The following SPOCK3 variants were observed in gnomAD, a reference collection of about 807,000 sequenced individuals.
SPOCK3 encodes the protein SPARC (osteonectin), cwcv and kazal like domains proteoglycan 3, also known as testican-3.
A neutral mutation model predicts 56.6 loss-of-function variants in SPOCK3; 30 were observed. The ratio of observed to expected loss-of-function variants is 0.53; its 90% CI spans 0.40 to 0.72. The LOEUF (loss-of-function observed/expected upper bound fraction) is 0.72. Ranked by LOEUF, SPOCK3 falls within the 30% of genes least tolerant of loss-of-function variation. SPOCK3 has a pLI of 0.00. For missense variants in SPOCK3, 527 were observed against 530.0 expected, an observed-to-expected ratio of 0.99 and a Z score of 0.06; for synonymous variants, 196 against 183.3, an observed-to-expected ratio of 1.07 and a Z score of -0.56.
chr4:166,767,709 T>C (rs1214891736), intron 7 of SPOCK3, among the ~76,000 whole-genome samples: 1 of 152,200 alleles, frequency 6.6e-6, no homozygotes, highest in South Asian at 2.1e-4. Context: ...TTAGGTCGGC[T>C]TGGTGCAGAG....
chr4:167,219,426 A>G (rs143955397), intron 2 of SPOCK3, among the ~76,000 whole-genome samples: 54 of 152,316 alleles, frequency 3.5e-4, no homozygotes, highest in Non-Finnish European at 6.3e-4. Flanking sequence ...AGCAAAAGTG[A>G]GCTGTGATTA....
intron 7 of SPOCK3, among the ~76,000 whole-genome samples, chr4:166,790,905 C>T (rs1741273316): frequency 6.6e-6 from 1 of 152,166 alleles, no homozygotes; most frequent in African/African-American, 2.4e-5. Context: ...AAGAAACCTT[C>T]TCCCCACTCC....
intron 2 of SPOCK3, among the ~76,000 whole-genome samples, chr4:167,082,793 G>A (rs1290931443): frequency 6.8e-6 from 1 of 147,122 alleles, no homozygotes; most frequent in Non-Finnish European, 1.5e-5. Flanking sequence ...GGGAAGGAAG[G>A]GGCAGAGAGA....
chr4:166,828,948 A>G (rs921954179), intron 6 of SPOCK3, among the ~76,000 whole-genome samples: 8 of 152,046 alleles, frequency 5.3e-5, no homozygotes, highest in Admixed American at 1.3e-4. Flanking sequence ...ACGATGATGC[A>G]TCTACTGTTT....
At chr4:166,939,547 T>G (rs1341389928) in intron 4 of SPOCK3, among the ~76,000 whole-genome samples, 1 of 152,210 alleles carries the variant, frequency 6.6e-6, no homozygotes, top group Non-Finnish European at 1.5e-5. Context: ...CATAGTTCTA[T>G]GCAGGAAATG....
intron 3 of SPOCK3, among the ~76,000 whole-genome samples, chr4:167,050,073 G>A (rs1580124217): frequency 1.3e-5 from 2 of 152,290 alleles, no homozygotes; most frequent in South Asian, 4.1e-4. Flanking sequence ...TATAGGGAGT[G>A]TGTGTTCAAT....
At chr4:167,045,599 TA>T (rs1753641340) in intron 3 of SPOCK3, among the ~76,000 whole-genome samples, 1 of 152,080 alleles carries the variant, frequency 6.6e-6, no homozygotes, top group African/African-American at 2.4e-5. Flanking sequence ...CCGTTTTAAG[TA>T]GTTTCCCTAG....
At chr4:166,972,558 A>G (rs986545185) in intron 4 of SPOCK3, among the ~76,000 whole-genome samples, 2 of 151,054 alleles carry the variant, frequency 1.3e-5, no homozygotes, top group African/African-American at 4.8e-5. Flanking sequence ...AGCTCTTAAG[A>G]TTATTAAAAC....
chr4:166,739,285 G>A (rs920940798), intron 9 of SPOCK3, among the ~76,000 whole-genome samples: 1 of 152,050 alleles, frequency 6.6e-6, no homozygotes, highest in Admixed American at 6.6e-5. Context: ...CCATCACTCA[G>A]GCTGGAGTGC....
At chr4:166,835,410 C>T (rs2126808380) in intron 6 of SPOCK3, among the ~76,000 whole-genome samples, 1 of 152,122 alleles carries the variant, frequency 6.6e-6, no homozygotes, top group Admixed American at 6.5e-5. Flanking sequence ...AAAACAAATC[C>T]TTTATTTTTT....
At chr4:166,866,776 A>G (rs1398408751) in intron 6 of SPOCK3, among the ~76,000 whole-genome samples, 1 of 152,066 alleles carries the variant, frequency 6.6e-6, no homozygotes, top group Non-Finnish European at 1.5e-5. Flanking sequence ...AAATGAGCTA[A>G]TGAAATACCT....
At chr4:167,086,200 T>C (rs1402964140) in intron 2 of SPOCK3, among the ~76,000 whole-genome samples, 1 of 152,114 alleles carries the variant, frequency 6.6e-6, no homozygotes, top group African/African-American at 2.4e-5. Flanking sequence ...TGAAAATCTG[T>C]GGGAAATAAT....
intron 4 of SPOCK3, among the ~76,000 whole-genome samples, chr4:166,982,680 ATTTT>A (rs1169482206): frequency 6.6e-6 from 1 of 152,216 alleles, no homozygotes; most frequent in Non-Finnish European, 1.5e-5. Flanking sequence ...TGCAGTTTGG[ATTTT>A]TTTATTATGT....
At chr4:167,205,432 T>C (rs113684980) in intron 2 of SPOCK3, among the ~76,000 whole-genome samples, 2 of 49,278 alleles carry the variant, frequency 4.1e-5, no homozygotes, top group African/African-American at 8.3e-5. Flanking sequence ...TAATATATAA[T>C]ATATAATATA....
intron 2 of SPOCK3, among the ~76,000 whole-genome samples, chr4:167,206,762 A>T (rs901881356): frequency 5.9e-5 from 9 of 151,720 alleles, no homozygotes; most frequent in African/African-American, 2.2e-4. Flanking sequence ...CTGGACTTGG[A>T]GATTTTTAGT....
chr4:167,103,160 G>A (rs546567362), intron 2 of SPOCK3, among the ~76,000 whole-genome samples: 34 of 152,104 alleles, frequency 2.2e-4, no homozygotes, highest in Non-Finnish European at 3.4e-4. Context: ...ATTACCTGCT[G>A]ACTAAAGAGC....
At chr4:166,984,117 A>G (rs1478327794) in intron 4 of SPOCK3, among the ~76,000 whole-genome samples, 4 of 152,056 alleles carry the variant, frequency 2.6e-5, no homozygotes, top group Non-Finnish European at 4.4e-5. Context: ...AATTGTTTGA[A>G]GCAACTCTCT....
chr4:167,085,793 A>C (rs908338289), intron 2 of SPOCK3, among the ~76,000 whole-genome samples: 1 of 152,142 alleles, frequency 6.6e-6, no homozygotes, highest in East Asian at 1.9e-4. Context: ...TGGTAAGTCC[A>C]TACCACCTCA....
chr4:167,167,884 T>C (rs1730129352), intron 2 of SPOCK3, among the ~76,000 whole-genome samples: 5 of 152,148 alleles, frequency 3.3e-5, no homozygotes. Context: ...TCAGCTTGAA[T>C]TGTAATAACC....
Sources: gnomAD v4.1 joint callset for allele counts (sites outside exome capture counted in the v4.1 genomes callset) on GRCh38, gnomAD v4.1.1 for gene constraint, MANE v1.5 for transcripts, NCBI Gene and HGNC (gene_info 2026-07-23, HGNC 2026-07-21) for gene names.